Variants in NPLOC4 observed in about 807,000 individuals in gnomAD.
NPLOC4 encodes NPL4 homolog, ubiquitin recognition factor.
A neutral mutation model predicts 80.6 loss-of-function variants in NPLOC4; 18 were observed. The ratio of observed to expected loss-of-function variants is 0.22; its 90% CI spans 0.15 to 0.33. NPLOC4 has a LOEUF of 0.33. Among genes scored for constraint, NPLOC4 ranks in the 10% least tolerant of loss-of-function variants. The pLI is 1.00. For synonymous variants in NPLOC4, 313 were observed against 301.5 expected (o/e 1.04, Z -0.39); for missense variants, 540 against 786.1 (o/e 0.69, Z 3.74).
intron 15 of NPLOC4, among the ~76,000 whole-genome samples, chr17:81,565,908 G>A (rs1598616478): frequency 6.6e-6 from 1 of 152,218 alleles, no homozygotes; most frequent in Admixed American, 6.5e-5. Flanking sequence ...CCTGGAGGCT[G>A]GGATGGAGGG....
chr17:81,598,776 C>T (rs559934242), intron 9 of NPLOC4, among the ~76,000 whole-genome samples: 76 of 152,282 alleles, frequency 5.0e-4, no homozygotes, highest in African/African-American at 1.8e-3. Context: ...GAAGGATCTG[C>T]GGCCCATGAC....
At chr17:81,562,035 A>G (rs892038660) in intron 16 of NPLOC4, 1 of 152,226 alleles carries the variant, frequency 6.6e-6, no homozygotes, top group African/African-American at 2.4e-5. Flanking sequence ...GGAGTTCCAG[A>G]CCAGCCTGAC....
At chr17:81,632,782 T>C (rs911527929) in intron 1 of NPLOC4, among the ~76,000 whole-genome samples, 2 of 152,188 alleles carry the variant, frequency 1.3e-5, no homozygotes, top group Admixed American at 1.3e-4. Flanking sequence ...CTCAGTCTAC[T>C]GGGATTTGTC....
intron 1 of NPLOC4, among the ~76,000 whole-genome samples, chr17:81,636,705 G>C (rs78593750): frequency 6.6e-6 from 1 of 152,082 alleles, no homozygotes. Flanking sequence ...AACCGGGGTC[G>C]TAAGTCCCCT....
chr17:81,624,273 C>G (rs561117632), intron 2 of NPLOC4, among the ~76,000 whole-genome samples: 58 of 152,262 alleles, frequency 3.8e-4, no homozygotes, highest in African/African-American at 1.3e-3. Flanking sequence ...CAAAAATTAG[C>G]TAGGCGTGGT....
intron 7 of NPLOC4, among the ~76,000 whole-genome samples, chr17:81,605,545 G>A (rs1598658652): frequency 6.6e-6 from 1 of 151,740 alleles, no homozygotes; most frequent in East Asian, 2.0e-4. Flanking sequence ...CTACTCCGGA[G>A]GCTGAGGCAA....
At chr17:81,590,835 A>G (rs2034718701) in intron 11 of NPLOC4, among the ~76,000 whole-genome samples, 1 of 152,234 alleles carries the variant, frequency 6.6e-6, no homozygotes, top group African/African-American at 2.4e-5. Flanking sequence ...GCTGGCCGCC[A>G]TGAAGCTCTC....
intron 9 of NPLOC4, among the ~76,000 whole-genome samples, chr17:81,600,133 TTTTAG>T (rs1264285766): frequency 7.2e-5 from 11 of 152,074 alleles, no homozygotes; most frequent in Non-Finnish European, 1.6e-4. Flanking sequence ...AATGTTCTCA[TTTTAG>T]TTTAAGTCAG....
intron 16 of NPLOC4, chr17:81,565,046 C>T (rs2033968318): frequency 4.1e-6 from 2 of 490,996 alleles, no homozygotes; most frequent in Non-Finnish European, 7.2e-6. Flanking sequence ...GGAAGACACG[C>T]AATGCCTGCG....
intron 16 of NPLOC4, chr17:81,564,095 C>CAT: frequency 3.0e-6 from 1 of 337,128 alleles, no homozygotes; most frequent in Non-Finnish European, 5.9e-6. Flanking sequence ...CACACACACA[C>CAT]ACACACACAC....
chr17:81,559,479 G>A, intron 16 of NPLOC4, 63 bp from the exon 17 acceptor site: 1 of 1,516,838 alleles, frequency 6.6e-7, no homozygotes, highest in Non-Finnish European at 8.9e-7. Flanking sequence ...GCCAGAGTGT[G>A]GGCATGGGGG....
intron 3 of NPLOC4, among the ~76,000 whole-genome samples, chr17:81,618,226 G>T: frequency 6.6e-6 from 1 of 150,926 alleles, no homozygotes; most frequent in African/African-American, 2.4e-5. Flanking sequence ...GCCTCTTTCC[G>T]GCCGCCATCC....
intron 8 of NPLOC4, among the ~76,000 whole-genome samples, chr17:81,602,563 C>T (rs901470689): frequency 1.3e-5 from 2 of 151,798 alleles, no homozygotes; most frequent in Non-Finnish European, 2.9e-5. Context: ...ATTAGCCAGG[C>T]GTGGTGGCGG....
At position 81,564,940 on chromosome 17, in the gene NPLOC4, C is replaced by T. The variant is rs2144025553; in HGVS notation, c.1669+565G>A. On this transcript the variant is annotated intron_variant, in intron 16 of 16. Coordinates refer to ENST00000331134, the MANE Select transcript of NPLOC4 (RefSeq NM_017921.4). The stretch of plus-strand genomic sequence containing the variant: ...GCAGGGACTCAGGGCACTCGGGCTG[C>T]ACGAGGCACCACGGTGCGTGAGGAG... 3 of 250,264 alleles carry T rather than the reference C, an allele frequency of 1.2e-5. No individual in the cohort carries two copies. In the South Asian group the frequency reaches 1.5e-4, roughly 13 times the overall value. The allele number at this position is 250,264 out of a possible 1,614,324, so 15.5% of individuals were successfully genotyped here.
At chr17:81,611,312 T>C (rs972341080) in intron 4 of NPLOC4, among the ~76,000 whole-genome samples, 2 of 151,926 alleles carry the variant, frequency 1.3e-5, no homozygotes, top group Admixed American at 1.3e-4. Context: ...GAGAGTGAAA[T>C]TCCACTCAAA....
intron 12 of NPLOC4, among the ~76,000 whole-genome samples, chr17:81,582,763 CA>C (rs1192984608): frequency 1.3e-5 from 2 of 152,230 alleles, no homozygotes; most frequent in Non-Finnish European, 2.9e-5. Context: ...GGCTGTACAA[CA>C]GTCTACGAGT....
chr17:81,634,307 C>T (rs2036011651), intron 1 of NPLOC4, among the ~76,000 whole-genome samples: 1 of 151,912 alleles, frequency 6.6e-6, no homozygotes, highest in Non-Finnish European at 1.5e-5. Context: ...AGCCCAGAAA[C>T]TTTTCAAAAG....
At chr17:81,564,099 C>CAT (rs2033933966) in intron 16 of NPLOC4, 1 of 339,296 alleles carries the variant, frequency 2.9e-6, no homozygotes, top group African/African-American at 2.2e-5. Flanking sequence ...CACACACACA[C>CAT]ACACACACAC....
intron 12 of NPLOC4, among the ~76,000 whole-genome samples, chr17:81,585,954 A>G (rs1056097419): frequency 1.3e-5 from 2 of 152,150 alleles, no homozygotes; most frequent in African/African-American, 4.8e-5. Context: ...ACGCCACTGC[A>G]CTCCAGTCTG....
Sources: gnomAD v4.1 joint callset for allele counts (sites outside exome capture counted in the v4.1 genomes callset) on GRCh38, gnomAD v4.1.1 for gene constraint, MANE v1.5 for transcripts, NCBI Gene and HGNC (gene_info 2026-07-23, HGNC 2026-07-21) for gene names.